DESI2: variants seen among roughly 807,000 people sequenced by gnomAD.
DESI2 encodes the protein desumoylating isopeptidase 2.
DESI2 carries 10 observed loss-of-function variants against 24.1 expected under a neutral mutation model. The ratio of observed to expected loss-of-function variants is 0.41; its 90% CI spans 0.26 to 0.70. The LOEUF (loss-of-function observed/expected upper bound fraction) is 0.70. Ranked by LOEUF, DESI2 falls within the 30% of genes least tolerant of loss-of-function variation. The pLI is 0.29. For missense variants in DESI2, 122 were observed against 234.9 expected (o/e 0.52, Z 3.14); for synonymous variants, 71 against 87.7 (o/e 0.81, Z 1.06).
intron 1 of DESI2, among the ~76,000 whole-genome samples, chr1:244,663,387 A>G (rs1026270876): frequency 2.6e-5 from 4 of 152,032 alleles, no homozygotes; most frequent in African/African-American, 9.7e-5. Context: ...CATGTTAGCC[A>G]GGATGGTCTC....
At chr1:244,664,400 G>A (rs1235267579) in intron 1 of DESI2, among the ~76,000 whole-genome samples, 3 of 152,172 alleles carry the variant, frequency 2.0e-5, no homozygotes, top group Non-Finnish European at 2.9e-5. Context: ...AAAGAGCAAC[G>A]AAGACGTAAT....
At chr1:244,697,287 C>G (rs1199361906) in intron 4 of DESI2, among the ~76,000 whole-genome samples, 1 of 151,852 alleles carries the variant, frequency 6.6e-6, no homozygotes, top group Non-Finnish European at 1.5e-5. Flanking sequence ...GCGGGCAGAT[C>G]ACTTGAGGTC....
intron 1 of DESI2, chr1:244,653,569 G>A: frequency 1.8e-6 from 1 of 540,720 alleles, no homozygotes; most frequent in South Asian, 2.6e-5. Context: ...GAGGGTTTTG[G>A]CCAAAGCTCG....
At chr1:244,705,457 T>C in intron 4 of DESI2, 99 bp from the exon 5 acceptor site, 1 of 962,392 alleles carries the variant, frequency 1.0e-6, no homozygotes. Context: ...CCGTGGCTTC[T>C]CTGTACGCCG....
At chr1:244,672,452 C>G (rs1026122902) in intron 1 of DESI2, among the ~76,000 whole-genome samples, 2 of 152,222 alleles carry the variant, frequency 1.3e-5, no homozygotes, top group Non-Finnish European at 2.9e-5. Context: ...CTTGTACAGC[C>G]TGCAGAACTG....
chr1:244,657,770 C>T (rs1675698835), intron 1 of DESI2, among the ~76,000 whole-genome samples: 1 of 152,238 alleles, frequency 6.6e-6, no homozygotes, highest in Admixed American at 6.5e-5. Flanking sequence ...CAAATAGTAT[C>T]CTCAGTCAGC....
At chr1:244,664,107 C>T (rs1367976226) in intron 1 of DESI2, among the ~76,000 whole-genome samples, 1 of 151,362 alleles carries the variant, frequency 6.6e-6, no homozygotes, top group Non-Finnish European at 1.5e-5. Context: ...CATCAATACT[C>T]ATTTAACATA....
In DESI2 at chr1:244,686,673, C is replaced by T. The variant is rs554655572; in HGVS notation, c.115+4C>T. The T allele has an allele frequency of 1.7e-5, 26 of 1,573,336 alleles. No homozygotes were observed. In the Admixed American group the frequency reaches 2.8e-4, roughly 17 times the overall value. On this transcript the variant is annotated splice_donor_region_variant and intron_variant, in intron 2 of 4. Transcript: ENST00000302550. ...GGAATTGAAGTCTATGGCAGAGGTA[C>T]GTGTACACACAGTCTAAATATACTC...
At chr1:244,676,268 G>C (rs1374739069) in intron 1 of DESI2, among the ~76,000 whole-genome samples, 1 of 151,998 alleles carries the variant, frequency 6.6e-6, no homozygotes, top group Non-Finnish European at 1.5e-5. Flanking sequence ...AGTAGAGACA[G>C]GGTTTCACCG....
At chr1:244,688,603 G>A (rs1021272296) in intron 2 of DESI2, among the ~76,000 whole-genome samples, 2 of 152,100 alleles carry the variant, frequency 1.3e-5, no homozygotes, top group Admixed American at 6.5e-5. Context: ...TCTCCATTTT[G>A]TTCTCCAGAG....
intron 1 of DESI2, chr1:244,653,904 G>A (rs1287354036): frequency 2.1e-6 from 1 of 471,122 alleles, no homozygotes; most frequent in African/African-American, 2.0e-5. Context: ...CTTTCCTTGT[G>A]TGTTAAAGGC....
rs1677682783 is a variant in DESI2 at position 244,705,957 on chromosome 1, T to G, written c.*168T>G. Reference sequence around the variant, plus strand: ...TTGTAATCAAAAAAAAAAAATCACTTGGCGCAGGAGGGAGAACTTTGTAAG... The same window carrying G: ...TTGTAATCAAAAAAAAAAAATCACTGGGCGCAGGAGGGAGAACTTTGTAAG... On this transcript the variant is annotated 3_prime_UTR_variant, in exon 5 of 5. Coordinates refer to ENST00000302550, the MANE Select transcript of DESI2 (RefSeq NM_016076.5). 5.0e-6 allele frequency: 3 copies of G among 603,314 alleles called. No individual in the cohort carries two copies. The highest frequency in any genetic ancestry group is 4.1e-5 in the South Asian group (2 of 48,738). 37.4% of individuals were successfully genotyped at this position (603,314 alleles called of 1,614,324 possible). A position where few individuals can be genotyped will look rare whatever the true frequency, so the allele number is the denominator to read the frequency against.
In DESI2 at chr1:244,654,511, T is replaced by C. The variant is rs146251706; in HGVS notation, c.42+1156T>C. Among the ~76,000 whole-genome samples, 156 of 152,188 alleles carry C rather than the reference T, an allele frequency of 1.0e-3. 1 individual carries two copies. The East Asian group carries it at 0.027, about 26-fold the overall frequency. The stretch of plus-strand genomic sequence containing the variant: ...ATATCTGGGAATTGTGTCAGAAGGG[T>C]GTAGGAACTGCCTGCCACTTGAGAT... On this transcript the variant is annotated intron_variant, in intron 1 of 4. Transcript: ENST00000302550.
At chr1:244,699,762 G>C (rs1391647741) in intron 4 of DESI2, among the ~76,000 whole-genome samples, 1 of 152,068 alleles carries the variant, frequency 6.6e-6, no homozygotes, top group Non-Finnish European at 1.5e-5. Flanking sequence ...ACAAACCCTG[G>C]CACCTAGGGA....
chr1:244,676,380 A>G lies in DESI2; in HGVS notation c.43-10217A>G, dbSNP rs182221888. 5.1e-3 allele frequency among the ~76,000 whole-genome samples: 777 copies of G among 152,120 alleles called. 13 individuals carry two copies. Among genetic ancestry groups the G allele is most frequent in the Non-Finnish European group, 6.1e-3 (417 of 67,972 alleles). ...GTGTGAGCCACCGCGCCTGGCCTAC[A>G]ATCGATTTTTATATATTGATCTTGT... On this transcript the variant is annotated intron_variant, in intron 1 of 4. Transcript: ENST00000302550.
intron 4 of DESI2, chr1:244,694,409 C>G (rs1172752734): frequency 4.3e-6 from 3 of 700,572 alleles, no homozygotes; most frequent in South Asian, 2.7e-5. Flanking sequence ...ACATCTATTG[C>G]ATTACTCATC....
chr1:244,703,935 A>C (rs1039094136), intron 4 of DESI2, among the ~76,000 whole-genome samples: 1 of 152,138 alleles, frequency 6.6e-6, no homozygotes. Flanking sequence ...TGGGAATTAC[A>C]GGTGTGAGCC....
rs1199866350 is a variant in DESI2 at position 244,707,568 on chromosome 1, T to C, written c.*1779T>C. The stretch of plus-strand genomic sequence containing the variant: ...AAACACTAAGGCTCTAGCAGTGACT[T>C]GTTCACTAAAAAGAGAGAGTCCTGT... On this transcript the variant is annotated 3_prime_UTR_variant, in exon 5 of 5. Coordinates refer to ENST00000302550, the MANE Select transcript of DESI2 (RefSeq NM_016076.5). 1 of 152,534 alleles carries C rather than the reference T, an allele frequency of 6.6e-6. No individual in the cohort carries two copies. Among genetic ancestry groups the C allele is most frequent in the African/African-American group, 2.4e-5 (1 of 41,458 alleles). The allele number at this position is 152,534 out of a possible 1,614,324, so 9.4% of individuals were successfully genotyped here.
chr1:244,702,267 A>G (rs1471525260), intron 4 of DESI2, among the ~76,000 whole-genome samples: 1 of 152,176 alleles, frequency 6.6e-6, no homozygotes. Flanking sequence ...TAATCCCGAC[A>G]CTTTGGGAGG....
Sources: gnomAD v4.1 joint callset for allele counts (sites outside exome capture counted in the v4.1 genomes callset) on GRCh38, gnomAD v4.1.1 for gene constraint, MANE v1.5 for transcripts, NCBI Gene and HGNC (gene_info 2026-07-23, HGNC 2026-07-21) for gene names.